GRM8: variants seen among roughly 807,000 people sequenced by gnomAD.
GRM8 encodes the protein glutamate metabotropic receptor 8.
Under a neutral mutation model 87.2 loss-of-function variants are expected in GRM8, and 47 were observed. That is an observed-to-expected ratio of 0.54 (90% CI 0.43 to 0.69). GRM8 has a LOEUF of 0.69. Among genes scored for constraint, GRM8 ranks in the 30% least tolerant of loss-of-function variants. The pLI is 0.00. For missense variants in GRM8, 1,019 were observed against 1,139.2 expected, an observed-to-expected ratio of 0.89 and a Z score of 1.52; for synonymous variants, 396 against 404.5, an observed-to-expected ratio of 0.98 and a Z score of 0.25.
intron 7 of GRM8, among the ~76,000 whole-genome samples, chr7:126,661,874 T>A (rs1281501453): frequency 2.1e-5 from 3 of 142,606 alleles, no homozygotes; most frequent in African/African-American, 8.0e-5. Flanking sequence ...CACTTTAATA[T>A]GAGAAAGTTC....
chr7:126,599,411 A>C (rs1297847862), intron 8 of GRM8, among the ~76,000 whole-genome samples: 1 of 152,122 alleles, frequency 6.6e-6, no homozygotes, highest in Non-Finnish European at 1.5e-5. Flanking sequence ...GGGTCAGCTC[A>C]CCTTTTTGGC....
chr7:127,125,334 C>T lies in GRM8; in HGVS notation c.511-18622G>A, dbSNP rs1291582407. On this transcript the variant is annotated intron_variant, in intron 2 of 10. Transcript: ENST00000339582. The stretch of plus-strand genomic sequence containing the variant: ...GAGTTTAGAAATGGCTATAAAGATG[C>T]CAAGAAAATTCAAAGGGGAAAGGAT... Among the ~76,000 whole-genome samples the T allele has an allele frequency of 4.6e-5, 7 of 151,774 alleles. No individual in the cohort carries two copies. The East Asian group carries it at 1.2e-3, about 25-fold the overall frequency.
At chr7:126,482,215 G>A (rs1281038931) in intron 9 of GRM8, among the ~76,000 whole-genome samples, 1 of 151,982 alleles carries the variant, frequency 6.6e-6, no homozygotes, top group Non-Finnish European at 1.5e-5. Flanking sequence ...ATGTAAAATG[G>A]TAACGTTGCT....
chr7:126,832,002 A>G (rs969966123), intron 6 of GRM8, among the ~76,000 whole-genome samples: 1 of 152,198 alleles, frequency 6.6e-6, no homozygotes, highest in African/African-American at 2.4e-5. Context: ...TGTGAAAGCC[A>G]TATCAATAAA....
intron 7 of GRM8, among the ~76,000 whole-genome samples, chr7:126,710,239 G>A (rs996929964): frequency 1.3e-5 from 2 of 152,202 alleles, no homozygotes; most frequent in African/African-American, 4.8e-5. Flanking sequence ...TGACTGATCA[G>A]AGTGGCGGTT....
At chr7:126,522,103 T>C (rs944905463) in intron 9 of GRM8, among the ~76,000 whole-genome samples, 1 of 152,160 alleles carries the variant, frequency 6.6e-6, no homozygotes, top group Admixed American at 6.6e-5. Flanking sequence ...TTCCTTGAAG[T>C]CCAATTGGGT....
intron 3 of GRM8, among the ~76,000 whole-genome samples, chr7:127,054,699 T>G (rs1438753127): frequency 6.6e-6 from 1 of 152,206 alleles, no homozygotes; most frequent in Non-Finnish European, 1.5e-5. Flanking sequence ...GACCTCTTTC[T>G]GTTCTCAAAT....
intron 3 of GRM8, among the ~76,000 whole-genome samples, chr7:126,985,284 T>C (rs1811941005): frequency 6.6e-6 from 1 of 152,232 alleles, no homozygotes; most frequent in Non-Finnish European, 1.5e-5. Flanking sequence ...TGGCAACTTT[T>C]GGATTAACAT....
intron 6 of GRM8, among the ~76,000 whole-genome samples, chr7:126,862,162 C>G (rs1194522714): frequency 1.3e-5 from 2 of 151,918 alleles, no homozygotes; most frequent in Non-Finnish European, 2.9e-5. Context: ...GCTACAAACT[C>G]AATTTATCTT....
chr7:126,697,107 G>A (rs113458121), intron 7 of GRM8, among the ~76,000 whole-genome samples: 17,763 of 149,338 alleles, frequency 0.12, 1,430 homozygotes, highest in Non-Finnish European at 0.15. Flanking sequence ...ATTATGCTAA[G>A]TGAAATAAGC....
intron 8 of GRM8, among the ~76,000 whole-genome samples, chr7:126,607,321 C>G (rs1211702393): frequency 6.6e-6 from 1 of 152,176 alleles, no homozygotes; most frequent in Non-Finnish European, 1.5e-5. Context: ...AAATGCATAG[C>G]TGCAATAATT....
intron 3 of GRM8, among the ~76,000 whole-genome samples, chr7:126,952,243 G>T (rs1808239414): frequency 6.6e-6 from 1 of 151,876 alleles, no homozygotes; most frequent in Non-Finnish European, 1.5e-5. Flanking sequence ...AATAATATTA[G>T]AATATGACCC....
At chr7:126,791,572 C>G (rs1821331732) in intron 6 of GRM8, among the ~76,000 whole-genome samples, 1 of 152,174 alleles carries the variant, frequency 6.6e-6, no homozygotes, top group South Asian at 2.1e-4. Context: ...CTTAGGAAAT[C>G]TGAAGGGGAA....
chr7:126,792,234 G>A (rs1012585174), intron 6 of GRM8, among the ~76,000 whole-genome samples: 1 of 152,184 alleles, frequency 6.6e-6, no homozygotes. Context: ...ATATTTAAAA[G>A]AACATCACGG....
At chr7:126,598,939 T>C (rs1264107733) in intron 8 of GRM8, among the ~76,000 whole-genome samples, 1 of 152,070 alleles carries the variant, frequency 6.6e-6, no homozygotes, top group Non-Finnish European at 1.5e-5. Flanking sequence ...TCATACTCAG[T>C]CCCGTAAAGA....
chr7:127,213,688 A>G (rs745821882), intron 2 of GRM8, among the ~76,000 whole-genome samples: 13 of 152,106 alleles, frequency 8.5e-5, no homozygotes, highest in Non-Finnish European at 1.6e-4. Flanking sequence ...CTTCCAAATC[A>G]CTGATTCTTT....
intron 9 of GRM8, among the ~76,000 whole-genome samples, chr7:126,501,937 C>T (rs1239690692): frequency 6.6e-6 from 1 of 151,942 alleles, no homozygotes; most frequent in Non-Finnish European, 1.5e-5. Context: ...CTGGTAGATA[C>T]AGGTGCTCAT....
At chr7:126,874,640 G>A (rs1295088525) in intron 6 of GRM8, among the ~76,000 whole-genome samples, 3 of 152,014 alleles carry the variant, frequency 2.0e-5, no homozygotes, top group Non-Finnish European at 2.9e-5. Context: ...GCTATGGGAG[G>A]TGAACCTATT....
Position 127,243,499 on chromosome 7 carries a change from T to C in GRM8, c.-295A>G, listed in dbSNP as rs1798422618. 2.7e-6 allele frequency: 1 copy of C among 371,220 alleles called. No homozygotes were observed. Among genetic ancestry groups the C allele is most frequent in the East Asian group, 4.9e-5 (1 of 20,594 alleles). 23.0% of individuals were successfully genotyped at this position (371,220 alleles called of 1,614,324 possible). A position where few individuals can be genotyped will look rare whatever the true frequency, so the allele number is the denominator to read the frequency against. The stretch of plus-strand genomic sequence containing the variant: ...ACAATTCATGTCCTTGAAATCAGCC[T>C]TGTAGCAGAATTATTCCTGGGAAGA... On this transcript the variant is annotated 5_prime_UTR_variant, in exon 2 of 11. Coordinates refer to ENST00000339582, the MANE Select transcript of GRM8 (RefSeq NM_000845.3).
Sources: gnomAD v4.1 joint callset for allele counts (sites outside exome capture counted in the v4.1 genomes callset) on GRCh38, gnomAD v4.1.1 for gene constraint, MANE v1.5 for transcripts, NCBI Gene and HGNC (gene_info 2026-07-23, HGNC 2026-07-21) for gene names.